LPAR3: variants seen among roughly 807,000 people sequenced by gnomAD.
LPAR3 encodes the protein lysophosphatidic acid receptor 3.
In LPAR3, 7 loss-of-function variants were observed where a neutral mutation model predicts 17.8. The ratio of observed to expected loss-of-function variants is 0.39; its 90% confidence interval spans 0.22 to 0.74. The LOEUF is 0.74. LPAR3 is among the 30% of genes least tolerant of loss of function. LPAR3 has a pLI of 0.40. For missense variants in LPAR3, 391 were observed against 453.4 expected, an observed-to-expected ratio of 0.86 and a Z score of 1.25; for synonymous variants, 179 against 179.9, an observed-to-expected ratio of 0.99 and a Z score of 0.04.
At chr1:84,842,292 C>A (rs1030743483) in intron 2 of LPAR3, among the ~76,000 whole-genome samples, 2 of 152,200 alleles carry the variant, frequency 1.3e-5, no homozygotes, top group Non-Finnish European at 2.9e-5. Flanking sequence ...ACACACAGTT[C>A]CTTCCAGATA....
intron 2 of LPAR3, among the ~76,000 whole-genome samples, chr1:84,835,366 A>T (rs975031272): frequency 5.9e-5 from 9 of 152,028 alleles, no homozygotes; most frequent in African/African-American, 2.2e-4. Context: ...GTTCATAGAA[A>T]CCCTTAAGTC....
chr1:84,837,482 A>G (rs1242272614), intron 2 of LPAR3, among the ~76,000 whole-genome samples: 4 of 152,202 alleles, frequency 2.6e-5, no homozygotes, highest in Non-Finnish European at 5.9e-5. Context: ...TTCCCACTAT[A>G]GAAAAAAAAC....
rs1353290967 is a variant in LPAR3 at position 84,813,626 on chromosome 1, C to T, written c.*220G>A. 7 of 518,632 alleles carry T rather than the reference C, an allele frequency of 1.3e-5. No homozygotes were observed. Among genetic ancestry groups the T allele is most frequent in the South Asian group, 2.5e-5 (1 of 39,366 alleles). 32.1% of individuals were successfully genotyped at this position (518,632 alleles called of 1,614,324 possible). A position where few individuals can be genotyped will look rare whatever the true frequency, so the allele number is the denominator to read the frequency against. ...GCAGTTCATAGGACAAGCAGGGACC[C>T]GCCGAACCTCTCCCGTTTCTGTGCT... On this transcript the variant is annotated 3_prime_UTR_variant, in exon 3 of 3. Transcript: ENST00000370611.
chr1:84,819,234 A>G (rs1659003605), intron 2 of LPAR3, among the ~76,000 whole-genome samples: 1 of 152,248 alleles, frequency 6.6e-6, no homozygotes, highest in Non-Finnish European at 1.5e-5. Context: ...TCTTGACAAC[A>G]CAGTAACCCT....
In LPAR3 at chr1:84,826,981, A is replaced by T. The variant is rs539653325; in HGVS notation, c.737-12810T>A. Among the ~76,000 whole-genome samples, 175 of 152,184 alleles carry T rather than the reference A, an allele frequency of 1.1e-3. 4 individuals are homozygous for T. Among genetic ancestry groups the T allele is most frequent in the Non-Finnish European group, 9.6e-4 (65 of 68,024 alleles). ...CTATAAGATTGATACAAGTTAAGAA[A>T]CTCTAAAGTCATGACTGACTTTCCC... is the stretch of plus-strand genomic sequence containing the variant. On this transcript the variant is annotated intron_variant, in intron 2 of 2. Coordinates refer to ENST00000370611, the MANE Select transcript of LPAR3 (RefSeq NM_012152.3).
chr1:84,886,829 G>A (rs1045863329), intron 1 of LPAR3, among the ~76,000 whole-genome samples: 28 of 152,150 alleles, frequency 1.8e-4, no homozygotes, highest in African/African-American at 6.5e-4. Context: ...AGAAAATAAA[G>A]AAATGCTCAA....
At chr1:84,836,792 A>G (rs939668310) in intron 2 of LPAR3, among the ~76,000 whole-genome samples, 1 of 152,228 alleles carries the variant, frequency 6.6e-6, no homozygotes, top group African/African-American at 2.4e-5. Flanking sequence ...AGTAAATATT[A>G]GCAAATAATA....
At chr1:84,874,269 C>G (rs1195720132) in intron 1 of LPAR3, among the ~76,000 whole-genome samples, 3 of 152,176 alleles carry the variant, frequency 2.0e-5, no homozygotes, top group African/African-American at 7.2e-5. Context: ...TGGTGACACG[C>G]AGGGAAAACT....
At chr1:84,878,049 G>A (rs1007947338) in intron 1 of LPAR3, among the ~76,000 whole-genome samples, 1 of 150,734 alleles carries the variant, frequency 6.6e-6, no homozygotes, top group Non-Finnish European at 1.5e-5. Context: ...AAATACTTGT[G>A]ACCTCACATG....
intron 1 of LPAR3, among the ~76,000 whole-genome samples, chr1:84,866,737 C>A (rs888377173): frequency 4.6e-5 from 7 of 152,174 alleles, no homozygotes; most frequent in African/African-American, 1.7e-4. Flanking sequence ...ACTTCTGATT[C>A]CACTCCTGAT....
At chr1:84,832,683 G>C (rs753176360) in intron 2 of LPAR3, among the ~76,000 whole-genome samples, 12 of 152,086 alleles carry the variant, frequency 7.9e-5, no homozygotes, top group African/African-American at 2.9e-4. Context: ...TGGTGCCGTA[G>C]TAACAACAAG....
intron 1 of LPAR3, among the ~76,000 whole-genome samples, chr1:84,886,555 T>C (rs1259747330): frequency 6.6e-6 from 1 of 152,110 alleles, no homozygotes; most frequent in Non-Finnish European, 1.5e-5. Flanking sequence ...AAATATTGTA[T>C]TCTGCTAATT....
chr1:84,844,135 A>G (rs1185338398), intron 2 of LPAR3, among the ~76,000 whole-genome samples: 1 of 152,230 alleles, frequency 6.6e-6, no homozygotes, highest in Non-Finnish European at 1.5e-5. Flanking sequence ...GGCCTGGCCC[A>G]TTGCAGACCT....
intron 2 of LPAR3, 83 bp downstream of exon 2, chr1:84,865,302 T>TA: frequency 7.0e-7 from 1 of 1,430,906 alleles, no homozygotes; most frequent in Non-Finnish European, 9.4e-7. Context: ...TACTGCCTAG[T>TA]AAGTGCCTGG....
intron 2 of LPAR3, among the ~76,000 whole-genome samples, chr1:84,850,270 C>A (rs1659675526): frequency 6.6e-6 from 1 of 151,546 alleles, no homozygotes; most frequent in Admixed American, 6.6e-5. Flanking sequence ...TAAAGACTAA[C>A]AATCAAGCTG....
chr1:84,851,603 T>A (rs545167593), intron 2 of LPAR3, among the ~76,000 whole-genome samples: 3 of 152,198 alleles, frequency 2.0e-5, no homozygotes, highest in Non-Finnish European at 4.4e-5. Flanking sequence ...AACTCTGCCT[T>A]GGGGAGTCAG....
At chr1:84,849,314 G>T (rs1659655395) in intron 2 of LPAR3, among the ~76,000 whole-genome samples, 1 of 142,182 alleles carries the variant, frequency 7.0e-6, no homozygotes, top group South Asian at 2.2e-4. Context: ...GGCAGAGGTT[G>T]CAGTAAGCCG....
chr1:84,814,263 A>G (rs937001373), intron 2 of LPAR3, 92 bp from the exon 3 acceptor site: 18 of 1,017,446 alleles, frequency 1.8e-5, no homozygotes, highest in Admixed American at 1.2e-4. Context: ...AGTGGCATCA[A>G]GGGGCCCTCA....
intron 2 of LPAR3, among the ~76,000 whole-genome samples, chr1:84,826,489 T>C (rs570977290): frequency 6.6e-6 from 1 of 152,070 alleles, no homozygotes; most frequent in African/African-American, 2.4e-5. Flanking sequence ...AACTCAGCTA[T>C]ATCTAGGAAT....
Sources: allele counts gnomAD v4.1 joint callset (sites outside exome capture counted in the v4.1 genomes callset), GRCh38; gene constraint gnomAD v4.1.1; transcripts MANE v1.5; gene names NCBI Gene and HGNC (gene_info 2026-07-23, HGNC 2026-07-21).